Variants in RNLS observed in about 807,000 individuals in gnomAD.
The protein encoded by RNLS is renalase, FAD dependent amine oxidase.
Under a neutral mutation model 39.8 loss-of-function variants are expected in RNLS, and 39 were observed. The observed-to-expected ratio is 0.98, with a 90% CI of 0.76 to 1.28. The LOEUF is 1.28. RNLS is among the 50% of genes most tolerant of loss of function. The probability of loss-of-function intolerance (pLI) is 0.00; values close to 1 mark genes in which losing one functional copy is unlikely to be tolerated. For missense variants in RNLS, 410 were observed against 413.3 expected (o/e 0.99, Z 0.07); for synonymous variants, 147 against 150.7 (o/e 0.98, Z 0.18).
chr10:88,260,003 G>A, the RNLS span, among the ~76,000 whole-genome samples: 1 of 152,140 alleles, frequency 6.6e-6, no homozygotes, highest in Non-Finnish European at 1.5e-5. Flanking sequence ...GCCTCCCAAA[G>A]TGCTGGGATT....
chr10:88,350,052 C>T lies in RNLS; in HGVS notation c.700+12500G>A, dbSNP rs117836982. On this transcript the variant is annotated intron_variant, in intron 5 of 6. Coordinates refer to ENST00000331772, the MANE Select transcript of RNLS (RefSeq NM_001031709.3). ...AGGTCTGATATTTTAAAACAAAAGC[C>T]CAAACGGGAAACCTGACAGTTTTTC... is the stretch of plus-strand genomic sequence containing the variant. Among the ~76,000 whole-genome samples the T allele has an allele frequency of 8.0e-3, 1,222 of 152,036 alleles. 18 individuals are homozygous for T. Among genetic ancestry groups the T allele is most frequent in the South Asian group, 0.029 (140 of 4,820 alleles).
chr10:88,579,282 C>G (rs751467817), intron 3 of RNLS, among the ~76,000 whole-genome samples: 1 of 152,114 alleles, frequency 6.6e-6, no homozygotes, highest in Non-Finnish European at 1.5e-5. Flanking sequence ...TCATGACCCT[C>G]TCTGGAACTG....
Position 88,326,748 on chromosome 10 carries a change from TG to T in RNLS, c.701-12108del, listed in dbSNP as rs568291126. Reference sequence around the variant, plus strand: ...CTAGATCCCAGAATGGTAGATCCAATGGCAGCTTGCACCATGCAGCTGGAAA... The same window carrying T: ...CTAGATCCCAGAATGGTAGATCCAATGCAGCTTGCACCATGCAGCTGGAAA... On this transcript the variant is annotated intron_variant, in intron 5 of 6. Transcript: ENST00000331772. Among the ~76,000 whole-genome samples the T allele has an allele frequency of 4.5e-3, 678 of 152,286 alleles. 2 individuals are homozygous for T. The highest frequency in any genetic ancestry group is 0.02 in the Middle Eastern group (6 of 294).
chr10:88,292,889 A>G (rs1157000851), intron 6 of RNLS, among the ~76,000 whole-genome samples: 2 of 151,916 alleles, frequency 1.3e-5, no homozygotes, highest in Admixed American at 6.6e-5. Context: ...TTAGAAAAAA[A>G]AAAATACAAA....
intron 6 of RNLS, among the ~76,000 whole-genome samples, chr10:88,277,044 C>T (rs1842835843): frequency 6.6e-6 from 1 of 152,142 alleles, no homozygotes; most frequent in Non-Finnish European, 1.5e-5. Flanking sequence ...TACTGTGGCA[C>T]TATTCACAAT....
At chr10:88,407,210 A>G (rs527251277) in intron 4 of RNLS, among the ~76,000 whole-genome samples, 3 of 152,090 alleles carry the variant, frequency 2.0e-5, no homozygotes, top group Non-Finnish European at 4.4e-5. Flanking sequence ...AAAATAGTCA[A>G]CATCAAAAAC....
chr10:88,474,186 G>C (rs896596638), intron 4 of RNLS, among the ~76,000 whole-genome samples: 3 of 152,206 alleles, frequency 2.0e-5, no homozygotes, highest in Admixed American at 6.5e-5. Flanking sequence ...TGTTCTGTTA[G>C]ATGAAGTTGA....
chr10:88,358,422 C>CA (rs1274694997), intron 5 of RNLS, among the ~76,000 whole-genome samples: 1 of 152,112 alleles, frequency 6.6e-6, no homozygotes, highest in Non-Finnish European at 1.5e-5. Context: ...TGCTGAAATA[C>CA]AATATCCCAT....
chr10:88,512,579 A>T (rs544541616), intron 4 of RNLS, among the ~76,000 whole-genome samples: 1 of 152,256 alleles, frequency 6.6e-6, no homozygotes, highest in Admixed American at 6.5e-5. Flanking sequence ...AGCTTTATTT[A>T]ACATCACCTA....
At chr10:88,318,483 G>A (rs1371773985) in intron 5 of RNLS, among the ~76,000 whole-genome samples, 1 of 152,222 alleles carries the variant, frequency 6.6e-6, no homozygotes. Flanking sequence ...TGTGCACCTG[G>A]AGAAAGCACT....
chr10:88,323,715 C>A (rs1426533401), intron 5 of RNLS, among the ~76,000 whole-genome samples: 1 of 151,954 alleles, frequency 6.6e-6, no homozygotes, highest in Non-Finnish European at 1.5e-5. Flanking sequence ...ATGACTAAGA[C>A]CTCAAGAGCA....
chr10:88,218,062 A>T, the RNLS span, among the ~76,000 whole-genome samples: 1 of 152,166 alleles, frequency 6.6e-6, no homozygotes, highest in South Asian at 2.1e-4. Flanking sequence ...CAAGGAAAAA[A>T]AAAATAAAAG....
intron 3 of RNLS, among the ~76,000 whole-genome samples, chr10:88,575,202 A>G (rs1421910342): frequency 2.7e-5 from 1 of 36,616 alleles, no homozygotes; most frequent in Non-Finnish European, 5.1e-5. Flanking sequence ...TATACTATAT[A>G]TATATGTGTG....
chr10:88,571,532 T>C (rs1048336957), intron 4 of RNLS, among the ~76,000 whole-genome samples: 10 of 152,322 alleles, frequency 6.6e-5, no homozygotes, highest in Middle Eastern at 6.8e-3. Flanking sequence ...AAGACTCCCT[T>C]CAATTCTGAG....
chr10:88,561,107 G>A (rs1210078417), intron 4 of RNLS, among the ~76,000 whole-genome samples: 2 of 152,146 alleles, frequency 1.3e-5, no homozygotes, highest in South Asian at 2.1e-4. Context: ...TAAATACAGC[G>A]AGTCTTCAAA....
At chr10:88,274,802 C>T in exon 7 of RNLS, 3 of 499,848 alleles carry the variant, frequency 6.0e-6, no homozygotes, top group Non-Finnish European at 1.1e-5. Flanking sequence ...TTTTACATTC[C>T]CACCGGCACT....
At chr10:88,446,857 A>G (rs573498433) in intron 4 of RNLS, among the ~76,000 whole-genome samples, 2 of 152,370 alleles carry the variant, frequency 1.3e-5, no homozygotes, top group East Asian at 3.9e-4. Flanking sequence ...GGCTGGTTCA[A>G]CATATGCAAA....
At chr10:88,560,967 CACACACAT>C (rs1849151933) in intron 4 of RNLS, among the ~76,000 whole-genome samples, 11 of 151,994 alleles carry the variant, frequency 7.2e-5, no homozygotes, top group Admixed American at 6.6e-4. Flanking sequence ...CACACACACA[CACACACAT>C]ACACACACAG....
chr10:88,271,041 G>A (rs760309933), downstream of RNLS, among the ~76,000 whole-genome samples: 5 of 152,072 alleles, frequency 3.3e-5, no homozygotes, highest in African/African-American at 1.2e-4. Context: ...AGCTCCAGGG[G>A]GTCATCAAGA....
Sources: gnomAD v4.1 joint callset for allele counts (sites outside exome capture counted in the v4.1 genomes callset) on GRCh38, gnomAD v4.1.1 for gene constraint, MANE v1.5 for transcripts, NCBI Gene and HGNC (gene_info 2026-07-23, HGNC 2026-07-21) for gene names.